ST3GAL2: variants seen among roughly 807,000 people sequenced by gnomAD.
ST3GAL2 encodes CMP-N-acetylneuraminate-beta-galactosamide-alpha-2,3-sialyltransferase 2.
A neutral mutation model predicts 37.5 loss-of-function variants in ST3GAL2; 16 were observed. That is an observed-to-expected ratio of 0.43 (90% confidence interval 0.29 to 0.65). The LOEUF (loss-of-function observed/expected upper bound fraction) is 0.65. Among genes scored for constraint, ST3GAL2 ranks in the 30% least tolerant of loss-of-function variants. The probability of loss-of-function intolerance (pLI) is 0.17; values close to 1 mark genes in which losing one functional copy is unlikely to be tolerated. For synonymous variants in ST3GAL2, 238 were observed against 202.9 expected (o/e 1.17, Z -1.47); for missense variants, 383 against 487.8 (o/e 0.79, Z 2.02).
intron 2 of ST3GAL2, 143 bp from the exon 3 acceptor site, chr16:70,395,318 G>A: frequency 4.0e-6 from 3 of 757,412 alleles, no homozygotes; most frequent in Non-Finnish European, 6.1e-6. Flanking sequence ...GGGAACAGGG[G>A]TTCTTTCCTC....
chr16:70,387,721 C>T (rs926399578), intron 4 of ST3GAL2, among the ~76,000 whole-genome samples: 3 of 152,088 alleles, frequency 2.0e-5, no homozygotes, highest in Admixed American at 6.6e-5. Flanking sequence ...AACTAGATTT[C>T]CCATGGTTCC....
intron 1 of ST3GAL2, among the ~76,000 whole-genome samples, chr16:70,415,999 T>C (rs920587638): frequency 1.3e-5 from 2 of 151,448 alleles, no homozygotes; most frequent in Non-Finnish European, 2.9e-5. Flanking sequence ...TGGTCTTCAA[T>C]TCCTGACTTC....
intron 1 of ST3GAL2, among the ~76,000 whole-genome samples, chr16:70,427,719 G>C (rs969214635): frequency 6.6e-6 from 1 of 152,108 alleles, no homozygotes; most frequent in African/African-American, 2.4e-5. Flanking sequence ...AGTCATATGT[G>C]AGCCCTCCTT....
intron 5 of ST3GAL2, 113 bp from the exon 6 acceptor site, chr16:70,383,037 C>T: frequency 1.9e-6 from 3 of 1,584,946 alleles, no homozygotes; most frequent in East Asian, 2.3e-5. Flanking sequence ...TCTGTGTCTC[C>T]TGAATCGTGT....
intron 1 of ST3GAL2, among the ~76,000 whole-genome samples, chr16:70,437,581 G>A (rs2047834343): frequency 6.7e-6 from 1 of 149,678 alleles, no homozygotes; most frequent in Non-Finnish European, 1.5e-5. Context: ...ACCTCTCTGA[G>A]CCCTCGTTCC....
intron 1 of ST3GAL2, among the ~76,000 whole-genome samples, chr16:70,437,616 A>G (rs1297334650): frequency 6.6e-6 from 1 of 152,042 alleles, no homozygotes; most frequent in Non-Finnish European, 1.5e-5. Flanking sequence ...TCCCACGACT[A>G]AACTTGAGAT....
intron 1 of ST3GAL2, among the ~76,000 whole-genome samples, chr16:70,431,987 T>A (rs192353387): frequency 0.014 from 1,622 of 117,924 alleles, 17 homozygotes; most frequent in African/African-American, 0.064. Flanking sequence ...ATATATATAT[T>A]TTTTTTTAAC....
At chr16:70,408,531 G>C (rs548876708) in intron 1 of ST3GAL2, among the ~76,000 whole-genome samples, 1 of 152,040 alleles carries the variant, frequency 6.6e-6, no homozygotes, top group Non-Finnish European at 1.5e-5. Context: ...TTGGTTAACT[G>C]AAGTCACCCG....
intron 3 of ST3GAL2, among the ~76,000 whole-genome samples, chr16:70,391,016 C>T (rs190707269): frequency 6.6e-6 from 1 of 152,216 alleles, no homozygotes; most frequent in African/African-American, 2.4e-5. Context: ...CTCTAGGTGG[C>T]TCTCCTTGCT....
In ST3GAL2 at chr16:70,383,248, A is replaced by G. The variant is rs1204862403; in HGVS notation, c.714-13T>C. On this transcript the variant is annotated splice_polypyrimidine_tract_variant and intron_variant, in intron 4 of 6. Coordinates refer to ENST00000342907, the MANE Select transcript of ST3GAL2 (RefSeq NM_006927.4). ...TGGGGCGTAGGTGCTGTAAGCAAAAAGAAAGAAAGATAACATTTCAGGCTG... is the reference window on the plus strand; with the variant it reads ...TGGGGCGTAGGTGCTGTAAGCAAAAGGAAAGAAAGATAACATTTCAGGCTG... 6.3e-7 allele frequency: 1 copy of G among 1,599,154 alleles called. No homozygotes were observed. The highest frequency in any genetic ancestry group is 8.5e-7 in the Non-Finnish European group (1 of 1,175,948).
chr16:70,398,078 G>A, intron 2 of ST3GAL2, 114 bp downstream of exon 2: 1 of 1,068,490 alleles, frequency 9.4e-7, no homozygotes, highest in Non-Finnish European at 1.4e-6. Context: ...TCCTATAAAT[G>A]GCTTGGTCAA....
chr16:70,400,541 G>A (rs1274860043), intron 1 of ST3GAL2: 2 of 152,310 alleles, frequency 1.3e-5, no homozygotes, highest in East Asian at 3.8e-4. Flanking sequence ...GCTGCTTCCA[G>A]CAGCTGCATA....
At chr16:70,422,303 T>A (rs78609765) in intron 1 of ST3GAL2, among the ~76,000 whole-genome samples, 1 of 152,168 alleles carries the variant, frequency 6.6e-6, no homozygotes, top group East Asian at 1.9e-4. Flanking sequence ...CCAAGTAACA[T>A]TGACTTTCAG....
intron 1 of ST3GAL2, among the ~76,000 whole-genome samples, chr16:70,428,397 A>G (rs116627314): frequency 2.6e-5 from 4 of 152,212 alleles, no homozygotes; most frequent in East Asian, 1.9e-4. Flanking sequence ...CAAGGAGTCT[A>G]TCTCTTCCCT....
chr16:70,436,654 C>G (rs1218531029), intron 1 of ST3GAL2, among the ~76,000 whole-genome samples: 1 of 151,826 alleles, frequency 6.6e-6, no homozygotes, highest in East Asian at 1.9e-4. Flanking sequence ...AACCAGCTCT[C>G]CAGGAGACTA....
chr16:70,388,901 TA>T (rs869149643), intron 3 of ST3GAL2, among the ~76,000 whole-genome samples: 1,844 of 126,392 alleles, frequency 0.015, 25 homozygotes, highest in African/African-American at 0.047. Flanking sequence ...CCATCTTTAC[TA>T]AAAAAAAAAA....
chr16:70,399,642 TAATC>T, intron 1 of ST3GAL2, 109 bp from the exon 2 acceptor site: 1 of 390,962 alleles, frequency 2.6e-6, no homozygotes, highest in East Asian at 3.6e-5. Context: ...GATGCCCACT[TAATC>T]AGAGGGTGGA....
At chr16:70,384,931 C>T (rs1012542229) in intron 4 of ST3GAL2, among the ~76,000 whole-genome samples, 33 of 151,906 alleles carry the variant, frequency 2.2e-4, no homozygotes, top group African/African-American at 8.0e-4. Flanking sequence ...ATCGCTTGAA[C>T]CCAGGAGGCA....
At chr16:70,409,421 G>A (rs963204703) in intron 1 of ST3GAL2, among the ~76,000 whole-genome samples, 2 of 151,236 alleles carry the variant, frequency 1.3e-5, no homozygotes, top group South Asian at 2.1e-4. Flanking sequence ...TTGGCTCACC[G>A]CAACCTCCAC....
Sources: allele counts gnomAD v4.1 joint callset (sites outside exome capture counted in the v4.1 genomes callset), GRCh38; gene constraint gnomAD v4.1.1; transcripts MANE v1.5; gene names NCBI Gene and HGNC (gene_info 2026-07-23, HGNC 2026-07-21).